DPP8: variants seen among roughly 807,000 people sequenced by gnomAD.
DPP8 encodes DPP VIII.
A neutral mutation model predicts 107.5 loss-of-function variants in DPP8; 31 were observed. The ratio of observed to expected loss-of-function variants is 0.29; its 90% CI spans 0.22 to 0.39. DPP8 has a LOEUF of 0.39. DPP8 is among the 10% of genes least tolerant of loss of function. The probability of loss-of-function intolerance (pLI) is 1.00; values close to 1 mark genes in which losing one functional copy is unlikely to be tolerated. For synonymous variants in DPP8, 381 were observed against 356.6 expected (o/e 1.07, Z -0.77); for missense variants, 842 against 1,076.1 (o/e 0.78, Z 3.04).
intron 4 of DPP8, among the ~76,000 whole-genome samples, chr15:65,498,677 T>A (rs2068850999): frequency 6.6e-6 from 1 of 152,162 alleles, no homozygotes; most frequent in Non-Finnish European, 1.5e-5. Context: ...TTAAATATTT[T>A]AAAATTATTT....
intron 12 of DPP8, among the ~76,000 whole-genome samples, chr15:65,470,477 G>A (rs926872194): frequency 6.6e-6 from 1 of 151,518 alleles, no homozygotes; most frequent in Non-Finnish European, 1.5e-5. Context: ...TTGGTGGCAG[G>A]TGCCTGTAAT....
chr15:65,461,730 A>C (rs1321178413), intron 15 of DPP8, among the ~76,000 whole-genome samples: 1 of 151,906 alleles, frequency 6.6e-6, no homozygotes, highest in Non-Finnish European at 1.5e-5. Context: ...TAGCCTCCCA[A>C]GTAGCTGGGA....
At chr15:65,455,604 C>T (rs1388679791) in intron 16 of DPP8, 1 of 1,111,492 alleles carries the variant, frequency 9.0e-7, no homozygotes. Context: ...CCAGTGCACG[C>T]AATCTCACTT....
In DPP8 at chr15:65,445,981, C is replaced by T. The variant is rs2063483890; in HGVS notation, c.*903G>A. The T allele has an allele frequency of 6.6e-6, 1 of 151,688 alleles. No homozygotes were observed. Among genetic ancestry groups the T allele is most frequent in the South Asian group, 2.1e-4 (1 of 4,814 alleles). The allele number at this position is 151,688 out of a possible 1,614,324, so 9.4% of individuals were successfully genotyped here. On this transcript the variant is annotated 3_prime_UTR_variant, in exon 20 of 20. Transcript: ENST00000300141. ...GATTCCCTTCAATCTCCTTAAAATT[C>T]TAGAATATTTTAATAAGGAAATACC...
intron 19 of DPP8, among the ~76,000 whole-genome samples, chr15:65,447,997 A>G (rs937776187): frequency 1.3e-5 from 2 of 152,204 alleles, no homozygotes; most frequent in Non-Finnish European, 2.9e-5. Context: ...CAGAAGGCCA[A>G]TGCATGGTAA....
intron 12 of DPP8, among the ~76,000 whole-genome samples, chr15:65,468,540 A>T (rs1355569258): frequency 1.3e-5 from 2 of 152,108 alleles, no homozygotes; most frequent in African/African-American, 2.4e-5. Flanking sequence ...ATGAAAACAC[A>T]TATAAATTTC....
chr15:65,467,055 T>C lies in DPP8; in HGVS notation c.1689+16A>G, dbSNP rs1332251439. 4 of 1,613,678 alleles carry C rather than the reference T, an allele frequency of 2.5e-6. No individual in the cohort carries two copies. The highest frequency in any genetic ancestry group is 3.4e-6 in the Non-Finnish European group (4 of 1,179,780). ...TTTTAATATGACACAAAACCCTTTTTAAACAAACTTAATACCTGACTGATG... is the reference window on the plus strand; with the variant it reads ...TTTTAATATGACACAAAACCCTTTTCAAACAAACTTAATACCTGACTGATG... On this transcript the variant is annotated intron_variant, in intron 13 of 19. Transcript: ENST00000300141.
At chr15:65,460,495 T>C (rs2064822954) in intron 15 of DPP8, among the ~76,000 whole-genome samples, 1 of 152,060 alleles carries the variant, frequency 6.6e-6, no homozygotes, top group South Asian at 2.1e-4. Context: ...CCTCCTTCCA[T>C]CCAGTCCCTG....
chr15:65,496,436 C>T (rs1268857362), intron 5 of DPP8, among the ~76,000 whole-genome samples: 1 of 152,100 alleles, frequency 6.6e-6, no homozygotes, highest in South Asian at 2.1e-4. Context: ...CTCTGGTTCA[C>T]GTGTTCAAAG....
At chr15:65,492,720 C>G (rs370316426) in intron 5 of DPP8, among the ~76,000 whole-genome samples, 2 of 151,968 alleles carry the variant, frequency 1.3e-5, no homozygotes, top group African/African-American at 4.8e-5. Flanking sequence ...CTCAGCCTCC[C>G]AAGTAGCTGG....
intron 12 of DPP8, among the ~76,000 whole-genome samples, chr15:65,469,906 T>C (rs1045627417): frequency 6.6e-6 from 1 of 151,750 alleles, no homozygotes; most frequent in African/African-American, 2.4e-5. Flanking sequence ...TAGAAATCTT[T>C]GGGTAGATGG....
chr15:65,484,092 G>A (rs2067181094), intron 8 of DPP8, among the ~76,000 whole-genome samples: 1 of 152,118 alleles, frequency 6.6e-6, no homozygotes, highest in Non-Finnish European at 1.5e-5. Flanking sequence ...ACTTTGGAAG[G>A]CCGAGGTGGG....
At chr15:65,463,676 T>TA in intron 15 of DPP8, 85 bp downstream of exon 15, 1 of 1,213,752 alleles carries the variant, frequency 8.2e-7, no homozygotes. Context: ...CTCAAAATCT[T>TA]AAACTGACTA....
At chr15:65,487,608 G>T in intron 7 of DPP8, 82 bp downstream of exon 7, 1 of 1,362,446 alleles carries the variant, frequency 7.3e-7, no homozygotes, top group Non-Finnish European at 1.0e-6. Flanking sequence ...AATGTTGTTG[G>T]CTACACCTTT....
In DPP8 at chr15:65,445,818, T is replaced by C. The variant is rs976867405; in HGVS notation, c.*1066A>G. 6.6e-6 allele frequency: 1 copy of C among 152,214 alleles called. No individual in the cohort carries two copies. The highest frequency in any genetic ancestry group is 1.5e-5 in the Non-Finnish European group (1 of 68,010). 9.4% of individuals were successfully genotyped at this position (152,214 alleles called of 1,614,324 possible). A position where few individuals can be genotyped will look rare whatever the true frequency, so the allele number is the denominator to read the frequency against. On this transcript the variant is annotated 3_prime_UTR_variant, in exon 20 of 20. Transcript: ENST00000300141. The stretch of plus-strand genomic sequence containing the variant: ...TTTATTGATTCTGGTTTCCTTAATA[T>C]TACAGTTGTTTAAATTTCAGTTTCC...
intron 12 of DPP8, among the ~76,000 whole-genome samples, chr15:65,472,234 C>T (rs2065955471): frequency 6.6e-6 from 1 of 152,126 alleles, no homozygotes; most frequent in South Asian, 2.1e-4. Flanking sequence ...GCAAGATAAA[C>T]ACATGAATGA....
Position 65,451,153 on chromosome 15 carries a change from G to T in DPP8, c.2415-43C>A, listed in dbSNP as rs185355281. 31 of 1,164,368 alleles carry T rather than the reference G, an allele frequency of 2.7e-5. No homozygotes were observed. The African/African-American group carries it at 4.0e-4, about 15-fold the overall frequency. The allele number at this position is 1,164,368 out of a possible 1,614,324, so 72.1% of individuals were successfully genotyped here. A position where few individuals can be genotyped will look rare whatever the true frequency, so the allele number is the denominator to read the frequency against. On this transcript the variant is annotated intron_variant, in intron 18 of 19. Transcript: ENST00000300141. ...TTAGAGGATTAGGCAAAATAGTAGA[G>T]TATTTGGGAAAACCATTTCACTTAT...
intron 9 of DPP8, among the ~76,000 whole-genome samples, chr15:65,481,042 C>T (rs185900062): frequency 9.9e-5 from 15 of 152,026 alleles, no homozygotes; most frequent in Admixed American, 3.9e-4. Context: ...CATGATTGCA[C>T]CACTGCACTC....
intron 2 of DPP8, among the ~76,000 whole-genome samples, chr15:65,510,649 C>G (rs535992363): frequency 6.6e-6 from 1 of 152,320 alleles, no homozygotes; most frequent in East Asian, 1.9e-4. Flanking sequence ...AGCAATTCTC[C>G]TGCCTCAGCC....
Sources: gnomAD v4.1 joint callset for allele counts (sites outside exome capture counted in the v4.1 genomes callset) on GRCh38, gnomAD v4.1.1 for gene constraint, MANE v1.5 for transcripts, NCBI Gene and HGNC (gene_info 2026-07-23, HGNC 2026-07-21) for gene names.